TM6SF2: variants seen among roughly 807,000 people sequenced by gnomAD.
The protein encoded by TM6SF2 is transmembrane 6 superfamily member 2.
Under a neutral mutation model 41.0 loss-of-function variants are expected in TM6SF2, and 29 were observed. The observed-to-expected ratio is 0.71, with a 90% CI of 0.53 to 0.96. The LOEUF (loss-of-function observed/expected upper bound fraction) is 0.96. Among genes scored for constraint, TM6SF2 ranks in the 50% least tolerant of loss-of-function variants. TM6SF2 has a pLI of 0.00. For missense variants in TM6SF2, 475 were observed against 499.0 expected, an observed-to-expected ratio of 0.95 and a Z score of 0.46; for synonymous variants, 200 against 209.1, an observed-to-expected ratio of 0.96 and a Z score of 0.37.
chr19:19,271,100 C>A lies in TM6SF2; in HGVS notation c.121G>T (p.Ala41Ser). The A allele has an allele frequency of 6.2e-7, 1 of 1,614,164 alleles. No individual in the cohort carries two copies. The highest frequency in any genetic ancestry group is 8.5e-7 in the Non-Finnish European group (1 of 1,180,012). ...ACGAAAAGCAGACCCAGGATTAGGG[C>A]GCTCATCAATGCCACCCACAGGGGG... is the stretch of plus-strand genomic sequence containing the variant. ...SHPLWVALMS[A>S]LILGLLFVAV... The change falls in exon 2 of 10, where the codon GCC (alanine) becomes TCC (serine). Residue 41 changes from alanine (A) to serine (S), a missense_variant. This residue lies in a region of TM6SF2 where 238 missense variants were observed against 228.6 expected (regional missense o/e 1.04). Coordinates refer to ENST00000389363, the MANE Select transcript of TM6SF2 (RefSeq NM_001001524.3).
intron 1 of TM6SF2, 57 bp downstream of exon 1, chr19:19,273,064 C>A: frequency 5.1e-6 from 2 of 394,092 alleles, no homozygotes; most frequent in Admixed American, 4.7e-5. Context: ...CCAGTCCTCC[C>A]CGCCCCCGCC....
At chr19:19,273,061 T>TTGCCCCCCCCCCCCCCCCCCCCC in intron 1 of TM6SF2, 60 bp downstream of exon 1, 1 of 305,466 alleles carries the variant, frequency 3.3e-6, no homozygotes, top group Non-Finnish European at 6.1e-6. Context: ...CCTCCAGTCC[T>TTGCCCCCCCCCCCCCCCCCCCCC]CCCCGCCCCC....
At chr19:19,265,395 TATC>T (rs1568611098) in intron 9 of TM6SF2, among the ~76,000 whole-genome samples, 6 of 138,046 alleles carry the variant, frequency 4.3e-5, no homozygotes, top group African/African-American at 1.2e-4. Context: ...TCTATCTATC[TATC>T]TATCTATCCA....
At chr19:19,270,925 C>T in intron 2 of TM6SF2, 97 bp downstream of exon 2, 4 of 991,722 alleles carry the variant, frequency 4.0e-6, no homozygotes, top group Non-Finnish European at 6.5e-6. Context: ...TAAAGGGCCC[C>T]CAGTCTGATG....
At chr19:19,268,213 T>C (rs1471817208) in intron 6 of TM6SF2, 126 bp from the exon 7 acceptor site, 3 of 674,014 alleles carry the variant, frequency 4.5e-6, no homozygotes, top group Admixed American at 3.4e-5. Flanking sequence ...TTTTTCTTTT[T>C]TTTTTTTTTT....
In TM6SF2 at chr19:19,271,022, C is replaced by T. The variant is rs750028253; in HGVS notation, c.199G>A (p.Val67Ile). ...GEVSYDPLYA[V>I]FAVFAFTSVV... is the part of the protein sequence containing the mutation. ...TCCCCACAGCTTCCCACTGACTCACCAGCATAGAGTGGGTCATAGGAGACC... is the reference window on the plus strand; with the variant it reads ...TCCCCACAGCTTCCCACTGACTCACTAGCATAGAGTGGGTCATAGGAGACC... Residue 67 changes from valine (V) to isoleucine (I), a missense_variant and splice_region_variant, in exon 2 of 10, where the codon GTC becomes ATC. By Grantham distance (29) the Val-to-Ile change is conservative (BLOSUM62 3). This residue lies in a region of TM6SF2 where 238 missense variants were observed against 228.6 expected (regional missense o/e 1.04). Transcript: ENST00000389363. 6.2e-7 allele frequency: 1 copy of T among 1,612,722 alleles called. No homozygotes were observed. The highest frequency in any genetic ancestry group is 8.5e-7 in the Non-Finnish European group (1 of 1,178,678).
chr19:19,270,312 C>T (rs752530644), intron 3 of TM6SF2, 33 bp downstream of exon 3: 36 of 1,614,000 alleles, frequency 2.2e-5, no homozygotes, highest in East Asian at 1.8e-4. Flanking sequence ...ACGGGCAGTG[C>T]GGTAGGGGGC....
chr19:19,267,693 T>A lies in TM6SF2; in HGVS notation c.732A>T (p.Thr244=), dbSNP rs1315712310. The change falls in exon 8 of 10, where the codon ACA becomes ACT. Residue 244 remains threonine (T), a synonymous_variant. Transcript: ENST00000389363. ...FRGLVVLDCP[T]DACFVYIYQY... is the part of the protein sequence containing the mutation. ...GGTAGATATAGACAAAGCAGGCATC[T>A]GTGGGGCAATCAAGCACCACCTGGA... The A allele has an allele frequency of 6.2e-7, 1 of 1,613,824 alleles. No homozygotes were observed. Among genetic ancestry groups the A allele is most frequent in the South Asian group, 1.1e-5 (1 of 91,028 alleles).
chr19:19,266,206 G>C (rs529952177), intron 9 of TM6SF2, among the ~76,000 whole-genome samples: 1 of 152,182 alleles, frequency 6.6e-6, no homozygotes, highest in African/African-American at 2.4e-5. Context: ...TCCCTGCCTG[G>C]AGAACTCATC....
chr19:19,272,630 G>A (rs1268246884), intron 1 of TM6SF2, among the ~76,000 whole-genome samples: 1 of 152,036 alleles, frequency 6.6e-6, no homozygotes, highest in Non-Finnish European at 1.5e-5. Flanking sequence ...TGAGTCTAGG[G>A]ACATGGTTAG....
intron 1 of TM6SF2, among the ~76,000 whole-genome samples, chr19:19,272,728 T>TGTGA (rs1555786937): frequency 0.056 from 8,330 of 149,752 alleles, 245 homozygotes; most frequent in South Asian, 0.076. Flanking sequence ...TGTGTGTGTG[T>TGTGA]GAGCAGGAGT....
At chr19:19,267,764 G>A in intron 7 of TM6SF2, 51 bp from the exon 8 acceptor site, 2 of 1,555,422 alleles carry the variant, frequency 1.3e-6, no homozygotes, top group Middle Eastern at 1.7e-4. Context: ...CCCACAGGAA[G>A]CCTCCCCCAC....
At chr19:19,266,649 G>C in intron 8 of TM6SF2, 40 bp from the exon 9 acceptor site, 1 of 1,581,970 alleles carries the variant, frequency 6.3e-7, no homozygotes, top group South Asian at 1.1e-5. Flanking sequence ...CCTGTGAGAT[G>C]AGCAGCTACC....
At chr19:19,273,014 G>A in intron 1 of TM6SF2, 107 bp downstream of exon 1, 1 of 912,252 alleles carries the variant, frequency 1.1e-6, no homozygotes, top group South Asian at 2.1e-5. Context: ...GCTCGCAGAA[G>A]CCAGGTCCGC....
Position 19,273,194 on chromosome 19 carries a change from CG to C in TM6SF2, c.21del (p.Gly8AlafsTer8). On this transcript the variant is annotated frameshift_variant, in exon 1 of 10. Transcript: ENST00000389363. LOFTEE classifies it high-confidence loss of function. ...CTCAGCGACAGCGCCGCGATCTTGC[CG>C]GCCAGCGGCGGGATGTCCATAGCGG... MDIPPL[A>X]GKIAALSLSA... The C allele has an allele frequency of 6.9e-7, 1 of 1,449,724 alleles. No homozygotes were observed. The highest frequency in any genetic ancestry group is 9.1e-7 in the Non-Finnish European group (1 of 1,104,310). The allele number at this position is 1,449,724 out of a possible 1,614,324, so 89.8% of individuals were successfully genotyped here.
chr19:19,265,575 T>C (rs1041775405), intron 9 of TM6SF2, among the ~76,000 whole-genome samples: 5 of 152,028 alleles, frequency 3.3e-5, no homozygotes, highest in Non-Finnish European at 7.4e-5. Flanking sequence ...CGTGCTACCA[T>C]GCCCAGCTAA....
chr19:19,273,033 C>T (rs2061029932), intron 1 of TM6SF2, 88 bp downstream of exon 1: 2 of 1,070,198 alleles, frequency 1.9e-6, no homozygotes, highest in South Asian at 1.9e-5. Flanking sequence ...GCGGACCGCG[C>T]ATCCTCCCTC....
In TM6SF2 at chr19:19,270,219, C is replaced by T. The variant is rs117846705; in HGVS notation, c.355G>A (p.Val119Ile). 3.4e-4 allele frequency: 547 copies of T among 1,614,136 alleles called. No homozygotes were observed. The highest frequency in any genetic ancestry group is 4.9e-4 in the Middle Eastern group (3 of 6,062). Residue 119 changes from valine to isoleucine, a missense_variant, in exon 4 of 10, where the codon GTT (valine) becomes ATT (isoleucine). By Grantham distance (29) the Val-to-Ile change is conservative. Around this residue, in one of 3 missense-constraint regions of TM6SF2, gnomAD observed 238 missense variants for 228.6 expected, o/e 1.04. Transcript: ENST00000389363. ...GVFICYWDGTVHYLLYLAMAG... is the reference protein window; with the variant it reads ...GVFICYWDGTIHYLLYLAMAG... ...ATGGCCAGGTAGAGGAGGTAGTGAA[C>T]AGTGCCATCCCAGTAGCAGATGAAG...
rs781640798 is a variant in TM6SF2 at position 19,264,672 on chromosome 19, G to C, written c.1126C>G (p.Gln376Glu). The change falls in exon 10 of 10, where the codon CAG (glutamine) becomes GAG (glutamate). Residue 376 changes from glutamine (Q) to glutamate (E), a missense_variant. Physicochemically the swap from Gln to Glu is conservative, Grantham distance 29. Coordinates refer to ENST00000389363, the MANE Select transcript of TM6SF2 (RefSeq NM_001001524.3). ...CTGAGTCCACAGCTCTCTCAATGCTGCTTCTTGTGGAGGGCTAGGGGGTCG... is the reference window on the plus strand; with the variant it reads ...CTGAGTCCACAGCTCTCTCAATGCTCCTTCTTGTGGAGGGCTAGGGGGTCG... ...PSDPLALHKK[Q>E]H 8 of 1,511,948 alleles carry C rather than the reference G, an allele frequency of 5.3e-6. No homozygotes were observed. Among genetic ancestry groups the C allele is most frequent in the Non-Finnish European group, 7.1e-6 (8 of 1,126,618 alleles). 93.7% of individuals were successfully genotyped at this position (1,511,948 alleles called of 1,614,324 possible).
Sources: gnomAD v4.1 joint callset for allele counts (sites outside exome capture counted in the v4.1 genomes callset) on GRCh38, gnomAD v4.1.1 for gene constraint, gnomAD v4.1.1 regional missense constraint, MANE v1.5 for transcripts, NCBI Gene and HGNC (gene_info 2026-07-23, HGNC 2026-07-21) for gene names.